SLC6A2: variants seen among roughly 807,000 people sequenced by gnomAD.
The protein encoded by SLC6A2 is sodium-dependent noradrenaline transporter.
Under a neutral mutation model 71.7 loss-of-function variants are expected in SLC6A2, and 26 were observed. The observed-to-expected ratio is 0.36, with a 90% CI of 0.27 to 0.50. The LOEUF is 0.50. SLC6A2 is among the 20% of genes least tolerant of loss of function. SLC6A2 has a pLI of 0.96. For synonymous variants in SLC6A2, 363 were observed against 337.9 expected (o/e 1.07, Z -0.82); for missense variants, 581 against 803.9 (o/e 0.72, Z 3.35).
rs1596934178 is a variant in SLC6A2 at position 55,656,410 on chromosome 16, T to C, written c.-51-234T>C. ...AGAGTGGGTGAACGAGGAAAAGTGC[T>C]GCAGGGTCTTCAGCCGCCCCCAGAG... On this transcript the variant is annotated intron_variant, in intron 1 of 14. Transcript: ENST00000568943. The surrounding 1 kb of genome is among the most constrained non-coding windows in gnomAD (Gnocchi z 4.5). 5.4e-5 allele frequency: 29 copies of C among 533,306 alleles called. No homozygotes were observed. The East Asian group carries it at 9.6e-4, about 18-fold the overall frequency. 33.0% of individuals were successfully genotyped at this position (533,306 alleles called of 1,614,324 possible).
rs1045463167 is a variant in SLC6A2, at chr16:55,679,551, C to T, written c.645-5592C>T. ...CTGGTCCTCTGTCTTTTTAAATATG[C>T]GTACGCCCTGCCACCCTTTCCTCTT... On this transcript the variant is annotated intron_variant, in intron 4 of 14. Transcript: ENST00000568943. Among the ~76,000 whole-genome samples, 12 of 152,278 alleles carry T rather than the reference C, an allele frequency of 7.9e-5. No individual in the cohort carries two copies. The South Asian group carries it at 1.0e-3, about 13-fold the overall frequency.
chr16:55,657,196 T>C (rs745696572), intron 2 of SLC6A2, among the ~76,000 whole-genome samples: 2 of 151,946 alleles, frequency 1.3e-5, no homozygotes, highest in African/African-American at 2.4e-5. Context: ...CCAGCGGAAG[T>C]GTCAGGATTG....
chr16:55,668,611 A>T (rs1477134442), intron 2 of SLC6A2, among the ~76,000 whole-genome samples: 2 of 152,160 alleles, frequency 1.3e-5, no homozygotes, highest in Admixed American at 6.5e-5. Context: ...CTCATATGAC[A>T]TGTGTCCCAG....
Position 55,702,510 on chromosome 16 carries a change from T to C in SLC6A2, c.*164T>C. The stretch of plus-strand genomic sequence containing the variant: ...CAAATGATTTCGTGACTGTAGTTTT[T>C]GTTCACCTTCTGTGCATCTGGCCTG... On this transcript the variant is annotated 3_prime_UTR_variant, in exon 15 of 15. Transcript: ENST00000568943. 4.6e-6 allele frequency: 7 copies of C among 1,528,608 alleles called. No homozygotes were observed. Among genetic ancestry groups the C allele is most frequent in the East Asian group, 2.5e-5 (1 of 40,694 alleles). The allele number at this position is 1,528,608 out of a possible 1,614,324, so 94.7% of individuals were successfully genotyped here. A position where few individuals can be genotyped will look rare whatever the true frequency, so the allele number is the denominator to read the frequency against.
Position 55,705,133 on chromosome 16 carries a change from G to A in SLC6A2, c.*2787G>A. 2 of 1,031,086 alleles carry A rather than the reference G, an allele frequency of 1.9e-6. No individual in the cohort carries two copies. Among genetic ancestry groups the A allele is most frequent in the Admixed American group, 4.5e-5 (2 of 44,094 alleles). The allele number at this position is 1,031,086 out of a possible 1,614,324, so 63.9% of individuals were successfully genotyped here. A position where few individuals can be genotyped will look rare whatever the true frequency, so the allele number is the denominator to read the frequency against. On this transcript the variant is annotated 3_prime_UTR_variant, in exon 15 of 15. Coordinates refer to ENST00000568943, the MANE Select transcript of SLC6A2 (RefSeq NM_001172501.3). The stretch of plus-strand genomic sequence containing the variant: ...AAAGAATTATTATTTTTCATGAAAT[G>A]TAAAATATCAGTTTGAGAACATCAC...
At chr16:55,692,407 C>G (rs1360119135) in intron 6 of SLC6A2, among the ~76,000 whole-genome samples, 1 of 152,212 alleles carries the variant, frequency 6.6e-6, no homozygotes, top group Non-Finnish European at 1.5e-5. Flanking sequence ...ATTCCCTGCC[C>G]TCTTTCTACT....
chr16:55,703,636 T>C lies in SLC6A2; in HGVS notation c.*1290T>C. 1.0e-6 allele frequency: 1 copy of C among 985,476 alleles called. No homozygotes were observed. Among genetic ancestry groups the C allele is most frequent in the Non-Finnish European group, 1.2e-6 (1 of 829,936 alleles). The allele number at this position is 985,476 out of a possible 1,614,324, so 61.0% of individuals were successfully genotyped here. A position where few individuals can be genotyped will look rare whatever the true frequency, so the allele number is the denominator to read the frequency against. ...TTAGTTCCGTAAGAGAAATGATTCC[T>C]AGTTTGCTAAATTGGTGGCATCTTT... On this transcript the variant is annotated 3_prime_UTR_variant, in exon 15 of 15. Transcript: ENST00000568943.
rs1356441668 is a variant in SLC6A2 at position 55,705,453 on chromosome 16, A to G, written c.*3107A>G. On this transcript the variant is annotated 3_prime_UTR_variant, in exon 15 of 15. Coordinates refer to ENST00000568943, the MANE Select transcript of SLC6A2 (RefSeq NM_001172501.3). ...CACTTTATTTGTTTATTTCCTTCGA[A>G]AGCCACCGAAGAGAGAAAAACAGAG... 4 of 555,884 alleles carry G rather than the reference A, an allele frequency of 7.2e-6. No homozygotes were observed. The East Asian group carries it at 1.1e-4, about 16-fold the overall frequency. 34.4% of individuals were successfully genotyped at this position (555,884 alleles called of 1,614,324 possible). A position where few individuals can be genotyped will look rare whatever the true frequency, so the allele number is the denominator to read the frequency against.
chr16:55,692,955 A>G (rs1214846713), intron 6 of SLC6A2, among the ~76,000 whole-genome samples: 1 of 152,196 alleles, frequency 6.6e-6, no homozygotes, highest in African/African-American at 2.4e-5. Context: ...AATAAGTCAG[A>G]CTTCTATTTG....
chr16:55,675,333 G>A (rs1356621682), intron 4 of SLC6A2, among the ~76,000 whole-genome samples: 3 of 152,316 alleles, frequency 2.0e-5, no homozygotes, highest in Middle Eastern at 3.4e-3. Flanking sequence ...GATTCCACCA[G>A]AACTCCACCC....
Position 55,685,176 on chromosome 16 carries a change from G to A in SLC6A2, c.678G>A (p.Gly226=), listed in dbSNP as rs1240618155. The change falls in exon 5 of 15, where the codon GGG becomes GGA. Residue 226 remains glycine, a synonymous_variant. Coordinates refer to ENST00000568943, the MANE Select transcript of SLC6A2 (RefSeq NM_001172501.3). ...TCCTGCACCTTCACGAGAGCAGCGG[G>A]ATTCATGACATCGGCCTGCCCCAGT... The part of the protein sequence containing the change: ...RGVLHLHESS[G]IHDIGLPQWQ... The A allele has an allele frequency of 7.4e-6, 12 of 1,614,070 alleles. No homozygotes were observed. The Admixed American group carries it at 1.8e-4, about 25-fold the overall frequency.
At chr16:55,695,845 T>C (rs1026256765) in intron 8 of SLC6A2, among the ~76,000 whole-genome samples, 4 of 152,226 alleles carry the variant, frequency 2.6e-5, no homozygotes, top group African/African-American at 9.6e-5. Context: ...CTGGAGCTTG[T>C]GTCCTTCCCT....
At chr16:55,680,221 C>T (rs1965226476) in intron 4 of SLC6A2, among the ~76,000 whole-genome samples, 1 of 152,148 alleles carries the variant, frequency 6.6e-6, no homozygotes, top group South Asian at 2.1e-4. Flanking sequence ...AGGGGGCTGA[C>T]AGGAGGCAGA....
At chr16:55,684,335 C>T (rs1399227068) in intron 4 of SLC6A2, among the ~76,000 whole-genome samples, 1 of 151,728 alleles carries the variant, frequency 6.6e-6, no homozygotes, top group African/African-American at 2.4e-5. Flanking sequence ...AACAAAACTC[C>T]ACTTTATAAA....
intron 4 of SLC6A2, among the ~76,000 whole-genome samples, chr16:55,681,504 A>T (rs762793424): frequency 7.2e-5 from 11 of 152,224 alleles, no homozygotes; most frequent in Non-Finnish European, 1.6e-4. Context: ...AGCTCAGACA[A>T]TTTCTGTGCC....
At chr16:55,694,480 G>T (rs1965732884) in intron 7 of SLC6A2, among the ~76,000 whole-genome samples, 1 of 152,166 alleles carries the variant, frequency 6.6e-6, no homozygotes. Flanking sequence ...GGCAGGGTCA[G>T]AAGTGAGACT....
chr16:55,693,352 A>C (rs548762131), intron 6 of SLC6A2, among the ~76,000 whole-genome samples: 85 of 146,528 alleles, frequency 5.8e-4, no homozygotes, highest in African/African-American at 2.1e-3. Flanking sequence ...CCTGGGTGAC[A>C]GAGTGAGACC....
At chr16:55,683,479 G>C (rs1567444988) in intron 4 of SLC6A2, among the ~76,000 whole-genome samples, 1 of 152,112 alleles carries the variant, frequency 6.6e-6, no homozygotes, top group Non-Finnish European at 1.5e-5. Context: ...CGAGTATGAT[G>C]GTGGGCTTCT....
At chr16:55,692,503 C>A (rs1021233886) in intron 6 of SLC6A2, among the ~76,000 whole-genome samples, 1 of 152,186 alleles carries the variant, frequency 6.6e-6, no homozygotes, top group Non-Finnish European at 1.5e-5. Flanking sequence ...CCTGCCAACT[C>A]TCTTCCCCAA....
Sources: gnomAD v4.1 joint callset for allele counts (sites outside exome capture counted in the v4.1 genomes callset) on GRCh38, gnomAD v4.1.1 for gene constraint, Gnocchi (gnomAD v3.1) non-coding constraint, MANE v1.5 for transcripts, NCBI Gene and HGNC (gene_info 2026-07-23, HGNC 2026-07-21) for gene names.